The following KCTD1 variants were observed in gnomAD, a reference collection of about 807,000 sequenced individuals.
KCTD1 encodes BTB/POZ domain-containing protein KCTD1.
Under a neutral mutation model 66.0 loss-of-function variants are expected in KCTD1, and 24 were observed. The ratio of observed to expected loss-of-function variants is 0.36; its 90% confidence interval spans 0.26 to 0.51. The LOEUF is 0.51. KCTD1 is among the 20% of genes least tolerant of loss of function. The pLI is 0.95. For missense variants in KCTD1, 943 were observed against 1,205.2 expected (o/e 0.78, Z 3.22); for synonymous variants, 511 against 517.2 (o/e 0.99, Z 0.16).
At chr18:26,462,939 C>T (rs1980515818) in intron 3 of KCTD1, among the ~76,000 whole-genome samples, 1 of 152,140 alleles carries the variant, frequency 6.6e-6, no homozygotes, top group African/African-American at 2.4e-5. Flanking sequence ...CTTTTACAAA[C>T]TCGAGATGAT....
chr18:26,480,093 C>T (rs185089445), intron 2 of KCTD1, among the ~76,000 whole-genome samples: 5 of 143,044 alleles, frequency 3.5e-5, no homozygotes, highest in African/African-American at 7.9e-5. Flanking sequence ...ATGCTGAGAA[C>T]GACTTTCTTC....
chr18:26,555,185 A>G (rs1985677583), intron 1 of KCTD1, among the ~76,000 whole-genome samples: 1 of 152,222 alleles, frequency 6.6e-6, no homozygotes, highest in Admixed American at 6.5e-5. Flanking sequence ...TCCTGAAACG[A>G]TTTGCTGTTA....
intron 1 of KCTD1, among the ~76,000 whole-genome samples, chr18:26,582,265 C>T (rs1353560919): frequency 9.8e-6 from 1 of 101,854 alleles, no homozygotes; most frequent in African/African-American, 3.5e-5. Flanking sequence ...AGAGTGACAC[C>T]CCGTCTAAAA....
chr18:26,517,268 CT>C (rs1297433898), intron 1 of KCTD1, among the ~76,000 whole-genome samples: 1 of 152,126 alleles, frequency 6.6e-6, no homozygotes, highest in East Asian at 1.9e-4. Flanking sequence ...TGGGAGGGAA[CT>C]GGTGGGAGAT....
rs142534391 is a variant in KCTD1 at position 26,648,673 on chromosome 18, G to A, written c.9+8687C>T. On this transcript the variant is annotated intron_variant, in intron 1 of 4. Coordinates refer to the KCTD1 transcript ENST00000580191. ...AAATATGTAACGTTCCTAGCATATG[G>A]AAGGTGCTTAATAATTATTAGTATT... Among the ~76,000 whole-genome samples the A allele has an allele frequency of 1.1e-3, 172 of 152,296 alleles. 1 individual carries two copies. Among genetic ancestry groups the A allele is most frequent in the African/African-American group, 3.8e-3 (157 of 41,552 alleles).
chr18:26,537,164 T>C (rs73401437), intron 1 of KCTD1, among the ~76,000 whole-genome samples: 4,005 of 152,310 alleles, frequency 0.026, 174 homozygotes, highest in African/African-American at 0.091. Flanking sequence ...TGTTTCTAAA[T>C]TGCTACCTCA....
intron 1 of KCTD1, among the ~76,000 whole-genome samples, chr18:26,624,363 C>T (rs1987453314): frequency 6.6e-6 from 1 of 152,190 alleles, no homozygotes. Context: ...GGCCCAGAGG[C>T]CTAAGAGGGA....
intron 3 of KCTD1, among the ~76,000 whole-genome samples, chr18:26,470,929 T>C (rs760247457): frequency 6.6e-6 from 1 of 152,150 alleles, no homozygotes; most frequent in Non-Finnish European, 1.5e-5. Flanking sequence ...AGAAGTCCTG[T>C]AGGGACATGT....
intron 1 of KCTD1, among the ~76,000 whole-genome samples, chr18:26,576,238 A>G (rs1986222456): frequency 6.6e-6 from 1 of 152,188 alleles, no homozygotes; most frequent in African/African-American, 2.4e-5. Context: ...CTTTAAAGAC[A>G]AAAATTGCAT....
At chr18:26,580,045 A>G (rs998757215) in intron 1 of KCTD1, among the ~76,000 whole-genome samples, 1 of 152,168 alleles carries the variant, frequency 6.6e-6, no homozygotes, top group Non-Finnish European at 1.5e-5. Flanking sequence ...AAGGCTTTCC[A>G]TGTTTCTGAG....
chr18:26,647,341 C>CCA (rs1555649515), intron 1 of KCTD1, among the ~76,000 whole-genome samples: 138 of 109,824 alleles, frequency 1.3e-3, no homozygotes, highest in African/African-American at 3.7e-3. Flanking sequence ...ACCCCCCCCC[C>CCA]ATCTCTACTA....
rs963777151 is a variant in KCTD1 at position 26,476,909 on chromosome 18, G to C, written c.1989-250C>G. ...TTTCACCTGCAAAGAAAATGTTCCT[G>C]ACATGGTGATTACGGCTAAGTGCTG... On this transcript the variant is annotated intron_variant, in intron 2 of 4. Coordinates refer to ENST00000580059, the MANE Select transcript of KCTD1 (RefSeq NM_001142730.3). The surrounding 1 kb of genome is among the most constrained non-coding windows in gnomAD (Gnocchi z 4.9). The C allele has an allele frequency of 4.8e-6, 2 of 419,834 alleles. No individual in the cohort carries two copies. The highest frequency in any genetic ancestry group is 8.4e-6 in the Non-Finnish European group (2 of 239,164). 26.0% of individuals were successfully genotyped at this position (419,834 alleles called of 1,614,324 possible). A position where few individuals can be genotyped will look rare whatever the true frequency, so the allele number is the denominator to read the frequency against.
intron 1 of KCTD1, among the ~76,000 whole-genome samples, chr18:26,540,340 T>TC (rs761595378): frequency 6.6e-6 from 1 of 152,230 alleles, no homozygotes; most frequent in Non-Finnish European, 1.5e-5. Context: ...GCCAGCCTCT[T>TC]CGGGCAGCAC....
intron 3 of KCTD1, among the ~76,000 whole-genome samples, chr18:26,462,282 T>A (rs1054200986): frequency 2.0e-5 from 3 of 152,236 alleles, no homozygotes; most frequent in African/African-American, 7.2e-5. Context: ...TGCTAGGGTT[T>A]ATTAAAGTGA....
At chr18:26,482,916 G>A (rs977338816) in intron 2 of KCTD1, among the ~76,000 whole-genome samples, 11 of 152,194 alleles carry the variant, frequency 7.2e-5, no homozygotes, top group South Asian at 2.1e-4. Context: ...GGAAGGGCCC[G>A]GGTGGTTGGG....
chr18:26,623,829 A>T (rs1987441868), intron 1 of KCTD1, among the ~76,000 whole-genome samples: 2 of 152,200 alleles, frequency 1.3e-5, no homozygotes, highest in African/African-American at 4.8e-5. Context: ...CAACAGGAAA[A>T]TGTGGGAAAT....
Position 26,455,389 on chromosome 18 carries a change from C to G in KCTD1, c.*354G>C, listed in dbSNP as rs1445760584. On this transcript the variant is annotated 3_prime_UTR_variant, in exon 5 of 5. Coordinates refer to ENST00000580059, the MANE Select transcript of KCTD1 (RefSeq NM_001142730.3). ...GTTGGCAATGGAAACTGTAAGGAGA[C>G]TGTGTCCTCACCACTCATGGCTTGT... 6.4e-6 allele frequency: 1 copy of G among 156,634 alleles called. No homozygotes were observed. Among genetic ancestry groups the G allele is most frequent in the Non-Finnish European group, 1.4e-5 (1 of 71,210 alleles). The allele number at this position is 156,634 out of a possible 1,614,324, so 9.7% of individuals were successfully genotyped here.
chr18:26,567,485 G>GTT (rs1455257922), intron 1 of KCTD1, among the ~76,000 whole-genome samples: 14 of 118,032 alleles, frequency 1.2e-4, no homozygotes, highest in Middle Eastern at 4.4e-3. Context: ...TTCTGTTGTT[G>GTT]TTGTTTTTTT....
chr18:26,523,138 G>A (rs1178907963), intron 1 of KCTD1, among the ~76,000 whole-genome samples: 3 of 152,088 alleles, frequency 2.0e-5, no homozygotes, highest in Non-Finnish European at 4.4e-5. Flanking sequence ...AAACCGTGGC[G>A]CTAGATATTA....
Sources: allele counts gnomAD v4.1 joint callset (sites outside exome capture counted in the v4.1 genomes callset), GRCh38; gene constraint gnomAD v4.1.1; non-coding constraint Gnocchi (gnomAD v3.1); transcripts MANE v1.5; gene names NCBI Gene and HGNC (gene_info 2026-07-23, HGNC 2026-07-21).